The following ARHGAP29 variants were observed in gnomAD, a reference collection of about 807,000 sequenced individuals.
ARHGAP29 encodes the protein rho GTPase-activating protein 29.
A neutral mutation model predicts 122.6 loss-of-function variants in ARHGAP29; 43 were observed. The observed-to-expected ratio is 0.35, with a 90% CI of 0.27 to 0.45. ARHGAP29 has a LOEUF of 0.45. Ranked by LOEUF, ARHGAP29 falls within the 20% of genes least tolerant of loss-of-function variation. The pLI, the probability that ARHGAP29 is intolerant of heterozygous loss-of-function variation, is 1.00. For missense variants in ARHGAP29, 1,303 were observed against 1,477.2 expected (o/e 0.88, Z 1.93); for synonymous variants, 506 against 497.1 (o/e 1.02, Z -0.24).
chr1:94,187,638 G>C (rs1169667666), intron 15 of ARHGAP29, among the ~76,000 whole-genome samples: 1 of 152,096 alleles, frequency 6.6e-6, no homozygotes, highest in Non-Finnish European at 1.5e-5. Flanking sequence ...TCCCAGGCAA[G>C]GCATTCCCAG....
chr1:94,283,323 T>C, the ARHGAP29 span, among the ~76,000 whole-genome samples: 1 of 152,156 alleles, frequency 6.6e-6, no homozygotes, highest in Non-Finnish European at 1.5e-5. Context: ...CTGGTTACCA[T>C]GCACACATGG....
rs1363098392 is a variant in ARHGAP29, at chr1:94,169,674, C to G, written c.*4195G>C. Among the ~76,000 whole-genome samples the G allele has an allele frequency of 6.6e-6, 1 of 152,130 alleles. No homozygotes were observed. The highest frequency in any genetic ancestry group is 2.4e-5 in the African/African-American group (1 of 41,422). ...AGCTGTTCACCAATAAGACAGTGAG[C>G]CTTTCTCAGGTCTTCATTTCCATAT... On this transcript the variant is annotated 3_prime_UTR_variant, in exon 23 of 23. Transcript: ENST00000260526.
chr1:94,251,428 C>G (rs949010690), intron 1 of ARHGAP29, among the ~76,000 whole-genome samples: 1 of 152,078 alleles, frequency 6.6e-6, no homozygotes, highest in Admixed American at 6.5e-5. Context: ...CGTGAGCCAC[C>G]GTGCCTGGCC....
intron 1 of ARHGAP29, among the ~76,000 whole-genome samples, chr1:94,260,438 T>G (rs1236375952): frequency 1.3e-5 from 2 of 152,180 alleles, no homozygotes; most frequent in African/African-American, 4.8e-5. Context: ...GGTCACAAGC[T>G]CCTATATCCC....
At chr1:94,274,824 C>T (rs374398688) in intron 1 of ARHGAP29, among the ~76,000 whole-genome samples, 53 of 152,214 alleles carry the variant, frequency 3.5e-4, no homozygotes, top group African/African-American at 1.0e-3. Flanking sequence ...GCTTGCTGTC[C>T]GGTCTCCATG....
chr1:94,269,379 A>G (rs969539475), intron 1 of ARHGAP29, among the ~76,000 whole-genome samples: 1 of 152,210 alleles, frequency 6.6e-6, no homozygotes. Flanking sequence ...GTGCCTCATT[A>G]TAGCTGACAA....
chr1:94,196,925 A>G (rs1238027683), intron 12 of ARHGAP29, among the ~76,000 whole-genome samples: 2 of 152,202 alleles, frequency 1.3e-5, no homozygotes, highest in African/African-American at 4.8e-5. Context: ...TGTATCAGAA[A>G]AGCACAGGAA....
At chr1:94,290,090 G>A in the ARHGAP29 span, among the ~76,000 whole-genome samples, 3 of 152,158 alleles carry the variant, frequency 2.0e-5, no homozygotes, top group Admixed American at 6.5e-5. Context: ...TTGTACCTCT[G>A]GTAGAATTTG....
At chr1:94,303,227 C>CA in the ARHGAP29 span, among the ~76,000 whole-genome samples, 29 of 148,766 alleles carry the variant, frequency 1.9e-4, no homozygotes, top group African/African-American at 6.7e-4. Context: ...TGTACCCAGC[C>CA]AAAAAAAAAG....
At chr1:94,260,362 C>T (rs1654513849) in intron 1 of ARHGAP29, among the ~76,000 whole-genome samples, 1 of 152,188 alleles carries the variant, frequency 6.6e-6, no homozygotes, top group African/African-American at 2.4e-5. Flanking sequence ...GATGGACTCT[C>T]TGCATTGCAG....
intron 1 of ARHGAP29, among the ~76,000 whole-genome samples, chr1:94,267,608 C>T (rs1019223826): frequency 4.0e-5 from 6 of 150,988 alleles, no homozygotes; most frequent in Non-Finnish European, 7.4e-5. Context: ...ATTTTATACA[C>T]GAATATAATA....
chr1:94,265,628 T>C (rs1346568130), intron 1 of ARHGAP29, among the ~76,000 whole-genome samples: 1 of 152,220 alleles, frequency 6.6e-6, no homozygotes, highest in Non-Finnish European at 1.5e-5. Context: ...AGCGTGTTCT[T>C]ACCCAGTTCT....
intron 22 of ARHGAP29, chr1:94,176,574 C>T (rs1043082871): frequency 6.6e-6 from 1 of 151,726 alleles, no homozygotes; most frequent in Non-Finnish European, 1.5e-5. Flanking sequence ...GTGCTTAGCA[C>T]AGAACAGGCA....
At position 94,170,316 on chromosome 1, in the gene ARHGAP29, C is replaced by G. The variant is rs1337210591; in HGVS notation, c.*3553G>C. Among the ~76,000 whole-genome samples the G allele has an allele frequency of 6.6e-6, 1 of 152,176 alleles. No individual in the cohort carries two copies. Among genetic ancestry groups the G allele is most frequent in the Non-Finnish European group, 1.5e-5 (1 of 68,016 alleles). On this transcript the variant is annotated 3_prime_UTR_variant, in exon 23 of 23. Coordinates refer to ENST00000260526, the MANE Select transcript of ARHGAP29 (RefSeq NM_004815.4). ...TTTCTGTAGTATTGGACAAAAATGT[C>G]TATCCTAAACCTTATGGGTCTTATC...
chr1:94,245,611 T>C (rs1346193855), intron 1 of ARHGAP29, among the ~76,000 whole-genome samples: 2 of 152,146 alleles, frequency 1.3e-5, no homozygotes, highest in African/African-American at 4.8e-5. Context: ...AGCCTTTCAT[T>C]TCCTCCACTA....
chr1:94,298,800 C>T, the ARHGAP29 span, among the ~76,000 whole-genome samples: 2 of 152,082 alleles, frequency 1.3e-5, no homozygotes, highest in African/African-American at 4.8e-5. Context: ...CTTGCAAACC[C>T]AACTCATGAC....
chr1:94,211,131 A>G (rs1651576128), intron 3 of ARHGAP29, among the ~76,000 whole-genome samples: 1 of 151,292 alleles, frequency 6.6e-6, no homozygotes, highest in African/African-American at 2.4e-5. Context: ...CTAAAAATAC[A>G]AAAAATTAGC....
In ARHGAP29 at chr1:94,202,724, T is replaced by C. The variant is rs1472838138; in HGVS notation, c.963A>G (p.Ala321=). The C allele has an allele frequency of 1.2e-6, 2 of 1,613,074 alleles. No individual in the cohort carries two copies. Among genetic ancestry groups the C allele is most frequent in the African/African-American group, 2.7e-5 (2 of 74,906 alleles). The part of the protein sequence containing the change: ...WKQEQNKMLE[A]ENALKKAKLL... ...ATTTTGCCTTTTTGAGAGCATTCTC[T>C]GCTTCAAGCTACACCGAAAAGAGTA... Residue 321 remains alanine (A), a synonymous_variant, in exon 11 of 23, where the codon GCA becomes GCG. Coordinates refer to ENST00000260526, the MANE Select transcript of ARHGAP29 (RefSeq NM_004815.4).
At chr1:94,313,326 T>G in the ARHGAP29 span, among the ~76,000 whole-genome samples, 1 of 152,162 alleles carries the variant, frequency 6.6e-6, no homozygotes, top group African/African-American at 2.4e-5. Context: ...CTTCCCTGAC[T>G]AAGAAACAAG....
Sources: allele counts gnomAD v4.1 joint callset (sites outside exome capture counted in the v4.1 genomes callset), GRCh38; gene constraint gnomAD v4.1.1; transcripts MANE v1.5; gene names NCBI Gene and HGNC (gene_info 2026-07-23, HGNC 2026-07-21).